ZNF536: variants seen among roughly 807,000 people sequenced by gnomAD.
ZNF536 encodes zinc finger protein 536.
ZNF536 carries 13 observed loss-of-function variants against 84.5 expected under a neutral mutation model. The observed-to-expected ratio is 0.15, with a 90% CI of 0.10 to 0.24. The LOEUF (loss-of-function observed/expected upper bound fraction) is 0.24, where lower values mean the gene tolerates loss of function less well. ZNF536 is among the 10% of genes least tolerant of loss of function. ZNF536 has a pLI of 1.00. For synonymous variants in ZNF536, 811 were observed against 742.5 expected (o/e 1.09, Z -1.50); for missense variants, 1,536 against 1,747.5 (o/e 0.88, Z 2.16).
chr19:30,421,491 G>A (rs1349498186), intron 1 of ZNF536, among the ~76,000 whole-genome samples: 1 of 152,066 alleles, frequency 6.6e-6, no homozygotes, highest in Non-Finnish European at 1.5e-5. Flanking sequence ...TGGCCTCCTG[G>A]GTAGCTGGGA....
chr19:30,383,715 CTTT>C (rs2049137820), intron 1 of ZNF536, among the ~76,000 whole-genome samples: 1 of 40,374 alleles, frequency 2.5e-5, no homozygotes, highest in African/African-American at 8.6e-5. Context: ...TTCTTTCTTT[CTTT>C]CTTTCTTTCT....
chr19:30,320,633 C>G (rs2046822962), intron 2 of ZNF536, among the ~76,000 whole-genome samples: 1 of 152,174 alleles, frequency 6.6e-6, no homozygotes, highest in Admixed American at 6.5e-5. Flanking sequence ...AGAGAGCCCT[C>G]TGGGAGGCCT....
At chr19:30,229,268 C>T (rs1056738444) in intron 1 of ZNF536, among the ~76,000 whole-genome samples, 1 of 151,954 alleles carries the variant, frequency 6.6e-6, no homozygotes, top group African/African-American at 2.4e-5. Flanking sequence ...TGCAGACCTT[C>T]TTTGCTAAAG....
At chr19:30,503,190 A>G (rs2145357960) in intron 2 of ZNF536, among the ~76,000 whole-genome samples, 1 of 152,046 alleles carries the variant, frequency 6.6e-6, no homozygotes, top group South Asian at 2.1e-4. Flanking sequence ...CACACTCCCA[A>G]ACCTAACCAT....
At chr19:30,259,742 G>A (rs1169337594) in intron 1 of ZNF536, among the ~76,000 whole-genome samples, 2 of 152,014 alleles carry the variant, frequency 1.3e-5, no homozygotes, top group Non-Finnish European at 2.9e-5. Context: ...AAACAGATAG[G>A]TGGTTATCGG....
chr19:30,649,949 A>G (rs2147439898), intron 1 of ZNF536, among the ~76,000 whole-genome samples: 1 of 152,236 alleles, frequency 6.6e-6, no homozygotes, highest in Middle Eastern at 3.4e-3. Flanking sequence ...TAGATTAGAG[A>G]CTTTATTTTC....
At chr19:30,247,265 C>T (rs548831612) in intron 1 of ZNF536, among the ~76,000 whole-genome samples, 2 of 152,242 alleles carry the variant, frequency 1.3e-5, no homozygotes, top group East Asian at 1.9e-4. Flanking sequence ...AATCCCAGGT[C>T]CTGGCCTTTG....
chr19:30,700,201 C>CTTCCTTCTTTCTTTCT (rs1400524271), intron 1 of ZNF536, among the ~76,000 whole-genome samples: 13 of 82,778 alleles, frequency 1.6e-4, no homozygotes, highest in African/African-American at 3.7e-4. Context: ...TCTTTCTTTC[C>CTTCCTTCTTTCTTTCT]TTCTTTCTTT....
chr19:30,328,716 C>T (rs1367922454), intron 2 of ZNF536, among the ~76,000 whole-genome samples: 2 of 152,206 alleles, frequency 1.3e-5, no homozygotes. Context: ...CCACATGGCT[C>T]TCTCTGGAAA....
chr19:30,471,967 A>G (rs1050027032), intron 2 of ZNF536, among the ~76,000 whole-genome samples: 6 of 151,962 alleles, frequency 3.9e-5, no homozygotes, highest in African/African-American at 1.5e-4. Flanking sequence ...ATGAGCCTTT[A>G]TGCTGGGCAA....
intron 1 of ZNF536, among the ~76,000 whole-genome samples, chr19:30,699,627 G>T (rs1298945504): frequency 2.6e-5 from 4 of 152,010 alleles, no homozygotes; most frequent in Non-Finnish European, 5.9e-5. Flanking sequence ...AACTATATGT[G>T]CAACTGAGAA....
At chr19:30,593,923 G>A (rs1299916799) in intron 1 of ZNF536, among the ~76,000 whole-genome samples, 2 of 152,094 alleles carry the variant, frequency 1.3e-5, no homozygotes, top group Admixed American at 6.5e-5. Flanking sequence ...GAGAAGAAGA[G>A]GAAAAAAGAG....
intron 1 of ZNF536, among the ~76,000 whole-genome samples, chr19:30,649,643 G>A (rs1158526147): frequency 6.6e-6 from 1 of 150,504 alleles, no homozygotes; most frequent in Non-Finnish European, 1.5e-5. Context: ...AAAGACACAG[G>A]AACAGCCAGT....
intron 1 of ZNF536, among the ~76,000 whole-genome samples, chr19:30,701,526 CACAA>C (rs1248902114): frequency 6.6e-6 from 1 of 151,208 alleles, no homozygotes; most frequent in Non-Finnish European, 1.5e-5. Context: ...CACACAGACA[CACAA>C]ACACACAGAC....
rs2146190099 is a variant in ZNF536 at position 30,548,215 on chromosome 19, T to C, written c.2596T>C (p.Ser866Pro). 1 of 1,614,190 alleles carries C rather than the reference T, an allele frequency of 6.2e-7. No individual in the cohort carries two copies. Among genetic ancestry groups the C allele is most frequent in the Non-Finnish European group, 8.5e-7 (1 of 1,180,038 alleles). Reference sequence around the variant, plus strand: ...GCAGTGGACATCAGGGGTTCTCTCCTCTGGAGATCACTCGGGGCAGGCCAC... The same window carrying C: ...GCAGTGGACATCAGGGGTTCTCTCCCCTGGAGATCACTCGGGGCAGGCCAC... The part of the protein sequence containing the change: ...SQQWTSGVLS[S>P]GDHSGQATGM... Residue 866 changes from serine (S) to proline (P), a missense_variant, in exon 4 of 5, where the codon TCT becomes CCT. Physicochemically the swap from Ser to Pro is moderately conservative, Grantham distance 74. Coordinates refer to ENST00000355537, the MANE Select transcript of ZNF536 (RefSeq NM_014717.3).
intron 1 of ZNF536, among the ~76,000 whole-genome samples, chr19:30,269,315 G>C (rs779762602): frequency 1.8e-4 from 28 of 152,200 alleles, no homozygotes; most frequent in Non-Finnish European, 3.2e-4. Context: ...GGGTGAGCAA[G>C]GTTTGGTGGA....
At chr19:30,567,541 T>A (rs376675380) in intron 1 of ZNF536, among the ~76,000 whole-genome samples, 14 of 152,188 alleles carry the variant, frequency 9.2e-5, no homozygotes, top group African/African-American at 9.6e-5. Context: ...AAATCTGTCA[T>A]CTCCCTCCTT....
At chr19:30,380,020 G>T (rs1021185832) in intron 1 of ZNF536, among the ~76,000 whole-genome samples, 1 of 152,178 alleles carries the variant, frequency 6.6e-6, no homozygotes, top group Non-Finnish European at 1.5e-5. Flanking sequence ...ATGGAGCAGG[G>T]ACTTCTGAGC....
intron 2 of ZNF536, among the ~76,000 whole-genome samples, chr19:30,284,760 G>A (rs2045571589): frequency 6.6e-6 from 1 of 152,146 alleles, no homozygotes; most frequent in African/African-American, 2.4e-5. Flanking sequence ...GTTGTAATTA[G>A]CCCAGCCCAC....
Sources: gnomAD v4.1 joint callset for allele counts (sites outside exome capture counted in the v4.1 genomes callset) on GRCh38, gnomAD v4.1.1 for gene constraint, MANE v1.5 for transcripts, NCBI Gene and HGNC (gene_info 2026-07-23, HGNC 2026-07-21) for gene names.